The following COL4A3 variants were observed in gnomAD, a reference collection of about 807,000 sequenced individuals.
The protein encoded by COL4A3 is collagen type IV alpha 3 chain, also known as collagen alpha-3(IV) chain.
Under a neutral mutation model 217.4 loss-of-function variants are expected in COL4A3, and 135 were observed. The observed-to-expected ratio is 0.62, with a 90% CI of 0.54 to 0.72. The LOEUF is 0.72. Among genes scored for constraint, COL4A3 ranks in the 30% least tolerant of loss-of-function variants. COL4A3 has a pLI of 0.00. For synonymous variants in COL4A3, 690 were observed against 736.3 expected, an observed-to-expected ratio of 0.94 and a Z score of 1.02; for missense variants, 1,868 against 2,119.9, an observed-to-expected ratio of 0.88 and a Z score of 2.33.
chr2:227,183,814 G>A (rs538518801), intron 1 of COL4A3, among the ~76,000 whole-genome samples: 25 of 152,298 alleles, frequency 1.6e-4, no homozygotes, highest in African/African-American at 6.0e-4. Flanking sequence ...CAGGACCTAA[G>A]CCAAGCCAGT....
In COL4A3 at chr2:227,309,249, C is replaced by A; in HGVS notation, c.4686C>A (p.Ser1562Arg). ...CTGCGATCGCCATAGCCGTTCACAG[C>A]CAAACCACTGACATTCCTCCATGTC... ...EGPAIAIAVH[S>R]QTTDIPPCPH... The change falls in exon 50 of 52, where the codon AGC (serine) becomes AGA (arginine). Residue 1562 changes from serine to arginine, a missense_variant. Ser to Arg is a moderately radical substitution (Grantham distance 110, BLOSUM62 -1). Transcript: ENST00000396578. The A allele has an allele frequency of 6.2e-7, 1 of 1,614,188 alleles. No homozygotes were observed. Among genetic ancestry groups the A allele is most frequent in the Non-Finnish European group, 8.5e-7 (1 of 1,180,030 alleles).
intron 1 of COL4A3, among the ~76,000 whole-genome samples, chr2:227,229,615 A>G (rs73996242): frequency 0.32 from 48,549 of 151,810 alleles, 8,153 homozygotes; most frequent in Non-Finnish European, 0.36. Flanking sequence ...GAAAAGGAGA[A>G]AGGGGAGTCC....
At chr2:227,248,263 A>G (rs983406507) in intron 8 of COL4A3, 180 bp from the exon 9 acceptor site, 7 of 606,356 alleles carry the variant, frequency 1.2e-5, no homozygotes, top group Admixed American at 9.3e-5. Context: ...TGATTTTAGA[A>G]AATATGAAAA....
chr2:227,219,699 T>C (rs56204207), intron 1 of COL4A3, among the ~76,000 whole-genome samples: 3 of 152,372 alleles, frequency 2.0e-5, no homozygotes, highest in Non-Finnish European at 4.4e-5. Flanking sequence ...TGTGAAGCAC[T>C]CTTGTATCCT....
chr2:227,275,974 G>A (rs970045658), intron 26 of COL4A3, among the ~76,000 whole-genome samples: 2 of 151,744 alleles, frequency 1.3e-5, no homozygotes, highest in East Asian at 3.9e-4. Flanking sequence ...CGCTGCCAGC[G>A]CTCATTTAAT....
chr2:227,197,493 A>G (rs2066527068), intron 1 of COL4A3, among the ~76,000 whole-genome samples: 1 of 152,240 alleles, frequency 6.6e-6, no homozygotes, highest in Non-Finnish European at 1.5e-5. Context: ...CACATTTCTC[A>G]GAACATATCC....
rs374498145 is a variant in COL4A3, at chr2:227,231,526, C to CT, written c.88-6432dup. Among the ~76,000 whole-genome samples the CT allele has an allele frequency of 2.9e-3, 438 of 149,058 alleles. 7 individuals are homozygous for CT. In the East Asian group the frequency reaches 0.046, roughly 16 times the overall value. ...CTTGAGTTACAAAGTATCCAATTAC[C>CT]TTTTTTTTTTCTGAAACAGGGTCTC... On this transcript the variant is annotated intron_variant, in intron 1 of 51. Transcript: ENST00000396578.
In COL4A3 at chr2:227,314,387, T is replaced by C. The variant is rs1039502419; in HGVS notation, c.*2517T>C. The C allele has an allele frequency of 6.5e-6, 1 of 152,682 alleles. No homozygotes were observed. Among genetic ancestry groups the C allele is most frequent in the African/African-American group, 2.4e-5 (1 of 41,466 alleles). The allele number at this position is 152,682 out of a possible 1,614,324, so 9.5% of individuals were successfully genotyped here. ...GATAACTTAGCTTATGAGTAGCTTA[T>C]ACAATTATGAAGATTTAATATTACA... On this transcript the variant is annotated 3_prime_UTR_variant, in exon 52 of 52. Coordinates refer to ENST00000396578, the MANE Select transcript of COL4A3 (RefSeq NM_000091.5).
intron 42 of COL4A3, 124 bp downstream of exon 42, chr2:227,297,983 A>G: frequency 9.0e-7 from 1 of 1,107,466 alleles, no homozygotes; most frequent in Non-Finnish European, 1.3e-6. Flanking sequence ...CCATTCCCCC[A>G]CTACCTGTGG....
chr2:227,296,837 C>T (rs1015812401), intron 41 of COL4A3, among the ~76,000 whole-genome samples: 2 of 152,134 alleles, frequency 1.3e-5, no homozygotes, highest in African/African-American at 2.4e-5. Context: ...CAAGCCCTCC[C>T]CTGAGCTATT....
In COL4A3 at chr2:227,253,384, C is replaced by T; in HGVS notation, c.687+47C>T. 1 of 1,586,964 alleles carries T rather than the reference C, an allele frequency of 6.3e-7. No individual in the cohort carries two copies. ...ATTAGCAGGCGAGATATTTTATGTC[C>T]CAGAGCATATCAGCCTATACCGTTT... On this transcript the variant is annotated intron_variant, in intron 12 of 51. Coordinates refer to ENST00000396578, the MANE Select transcript of COL4A3 (RefSeq NM_000091.5). The surrounding 1 kb of genome is among the most constrained non-coding windows in gnomAD (Gnocchi z 4.4).
rs115324397 is a variant in COL4A3, at chr2:227,245,975, C to A, written c.346C>A (p.Pro116Thr). ...GLPGTPGNTG[P>T]YGLVGVPGCS... ...CCAGGGCACCCCAGGCAATACCGGG[C>A]CTTACGGACTTGTCGGTGTACCAGG... The change falls in exon 6 of 52, where the codon CCT (proline) becomes ACT (threonine). Residue 116 changes from proline to threonine, a missense_variant. By Grantham distance (38) the Pro-to-Thr change is conservative. Coordinates refer to ENST00000396578, the MANE Select transcript of COL4A3 (RefSeq NM_000091.5). The A allele has an allele frequency of 8.1e-3, 13,022 of 1,613,656 alleles. 80 individuals carry two copies. Among genetic ancestry groups the A allele is most frequent in the Non-Finnish European group, 0.01 (12,088 of 1,179,576 alleles).
intron 1 of COL4A3, among the ~76,000 whole-genome samples, chr2:227,170,933 G>T (rs972782695): frequency 9.9e-5 from 15 of 152,118 alleles, no homozygotes; most frequent in African/African-American, 3.6e-4. Flanking sequence ...GTCAGTCACG[G>T]TAGCAAATTA....
rs200940868 is a variant in COL4A3 at position 227,202,856 on chromosome 2, TATATACATATATGTGTATATATAC to T, written c.88-35107_88-35084del. On this transcript the variant is annotated intron_variant, in intron 1 of 51. Coordinates refer to ENST00000396578, the MANE Select transcript of COL4A3 (RefSeq NM_000091.5). ...CTATGTGTATATATACATATGTGTA[TATATACATATATGTGTATATATAC>T]ATATGTGTATATATGTGTATATATG... 5.4e-3 allele frequency among the ~76,000 whole-genome samples: 195 copies of T among 36,246 alleles called. 3 individuals carry two copies. The highest frequency in any genetic ancestry group is 0.017 in the East Asian group (13 of 766). The allele number at this position is 36,246 out of a possible 152,430, so 23.8% of individuals were successfully genotyped here.
chr2:227,283,192 T>C (rs1004783365), intron 32 of COL4A3, among the ~76,000 whole-genome samples: 1 of 152,244 alleles, frequency 6.6e-6, no homozygotes, highest in African/African-American at 2.4e-5. Context: ...TTCATGGCTA[T>C]GTTTATTGTT....
intron 1 of COL4A3, among the ~76,000 whole-genome samples, chr2:227,213,343 G>C (rs1190184942): frequency 6.6e-6 from 1 of 152,136 alleles, no homozygotes; most frequent in Non-Finnish European, 1.5e-5. Flanking sequence ...ACTAGGTGTT[G>C]GATGACTTTT....
At chr2:227,296,351 A>T (rs954750412) in intron 41 of COL4A3, 2 of 219,924 alleles carry the variant, frequency 9.1e-6, no homozygotes, top group Non-Finnish European at 1.5e-5. Flanking sequence ...CAGTTTAACC[A>T]TTTGGAATGA....
At chr2:227,175,810 G>A (rs1185736281) in intron 1 of COL4A3, among the ~76,000 whole-genome samples, 3 of 152,214 alleles carry the variant, frequency 2.0e-5, no homozygotes, top group African/African-American at 7.2e-5. Flanking sequence ...ATAATGCAGT[G>A]TTTTTATGCT....
At chr2:227,185,916 G>T (rs2066016053) in intron 1 of COL4A3, among the ~76,000 whole-genome samples, 1 of 152,314 alleles carries the variant, frequency 6.6e-6, no homozygotes, top group South Asian at 2.1e-4. Context: ...GCCTCAGACT[G>T]AGGAAGAAGA....
Sources: gnomAD v4.1 joint callset for allele counts (sites outside exome capture counted in the v4.1 genomes callset) on GRCh38, gnomAD v4.1.1 for gene constraint, Gnocchi (gnomAD v3.1) non-coding constraint, MANE v1.5 for transcripts, NCBI Gene and HGNC (gene_info 2026-07-23, HGNC 2026-07-21) for gene names.